TENM3: variants seen among roughly 807,000 people sequenced by gnomAD.
TENM3 encodes the protein teneurin-3.
TENM3 carries 63 observed loss-of-function variants against 255.1 expected under a neutral mutation model. The observed-to-expected ratio is 0.25, with a 90% CI of 0.20 to 0.30. TENM3 has a LOEUF of 0.30. Among genes scored for constraint, TENM3 ranks in the 10% least tolerant of loss-of-function variants. The pLI is 1.00. For missense variants in TENM3, 2,929 were observed against 3,461.1 expected (o/e 0.85, Z 3.86); for synonymous variants, 1,306 against 1,322.3 (o/e 0.99, Z 0.27).
rs758640338 is a variant in TENM3 at position 182,681,993 on chromosome 4, A to T, written c.2014A>T (p.Thr672Ser). 1.2e-5 allele frequency: 19 copies of T among 1,613,784 alleles called. No homozygotes were observed. Among genetic ancestry groups the T allele is most frequent in the Non-Finnish European group, 1.4e-5 (17 of 1,179,888 alleles). The change falls in exon 11 of 28, where the codon ACT becomes TCT. Residue 672 changes from threonine (T) to serine (S), a missense_variant. Physicochemically the swap from Thr to Ser is moderately conservative, Grantham distance 58. Coordinates refer to ENST00000511685, the MANE Select transcript of TENM3 (RefSeq NM_001080477.4). Reference sequence around the variant, plus strand: ...CTCCTGCACGTGTGACCCTAACTGGACTGGCCCAGACTGCTCAAACGGTGA... The same window carrying T: ...CTCCTGCACGTGTGACCCTAACTGGTCTGGCCCAGACTGCTCAAACGGTGA... ...SGSCTCDPNW[T>S]GPDCSNEICS... is the part of the protein sequence containing the mutation.
chr4:182,594,683 G>GGTGTGTGTGT (rs67667219), intron 3 of TENM3, among the ~76,000 whole-genome samples: 78 of 138,250 alleles, frequency 5.6e-4, no homozygotes, highest in African/African-American at 1.7e-3. Context: ...TTTTTGTTTT[G>GGTGTGTGTGT]GTGTGTGTGT....
chr4:182,754,813 T>C lies in TENM3; in HGVS notation c.4446T>C (p.Asp1482=). The C allele has an allele frequency of 3.7e-6, 6 of 1,614,054 alleles. No homozygotes were observed. The highest frequency in any genetic ancestry group is 5.1e-6 in the Non-Finnish European group (6 of 1,179,892). ...SAPSSLAASP[D]GTLYIADLGN... ...CATCCTCCCTGGCTGCTTCTCCAGATGGTACACTGTATATTGCAGATCTAG... is the reference window on the plus strand; with the variant it reads ...CATCCTCCCTGGCTGCTTCTCCAGACGGTACACTGTATATTGCAGATCTAG... The change falls in exon 22 of 28, where the codon GAT becomes GAC. Residue 1482 remains aspartate, a synonymous_variant. Transcript: ENST00000511685. The surrounding 1 kb of genome is among the most constrained non-coding windows in gnomAD (Gnocchi z 5.1).
chr4:181,919,977 T>C, the TENM3 span, among the ~76,000 whole-genome samples: 1 of 148,136 alleles, frequency 6.8e-6, no homozygotes, highest in Non-Finnish European at 1.5e-5. Context: ...AGTGAGAATA[T>C]GCAGTGTTTG....
chr4:181,798,668 A>G, the TENM3 span, among the ~76,000 whole-genome samples: 1 of 152,156 alleles, frequency 6.6e-6, no homozygotes, highest in Non-Finnish European at 1.5e-5. Flanking sequence ...CTGGTTCCCA[A>G]GTAATGTTTT....
At chr4:182,253,864 TA>T (rs202046053) in intron 1 of TENM3, among the ~76,000 whole-genome samples, 6 of 152,002 alleles carry the variant, frequency 3.9e-5, no homozygotes, top group South Asian at 4.2e-4. Flanking sequence ...GTAAATGCCT[TA>T]AAAAAAATAC....
the TENM3 span, among the ~76,000 whole-genome samples, chr4:182,013,006 C>CAAAACA: frequency 6.9e-4 from 104 of 151,818 alleles, 2 homozygotes; most frequent in Admixed American, 1.4e-3. Flanking sequence ...CAAAACAAAA[C>CAAAACA]AAAACAAAAA....
intron 5 of TENM3, among the ~76,000 whole-genome samples, chr4:182,636,701 A>T (rs1751870721): frequency 6.7e-6 from 1 of 149,820 alleles, no homozygotes; most frequent in African/African-American, 2.5e-5. Flanking sequence ...TGGGCAACAG[A>T]GTGAGACTCT....
At chr4:181,641,554 G>GTGTGTGTATATATA in the TENM3 span, among the ~76,000 whole-genome samples, 1 of 26,910 alleles carries the variant, frequency 3.7e-5, no homozygotes, top group African/African-American at 1.6e-4. Flanking sequence ...TGGTGTGTGT[G>GTGTGTGTATATATA]TATATATATA....
At chr4:182,263,395 T>TA (rs970748749) in intron 1 of TENM3, among the ~76,000 whole-genome samples, 1 of 152,006 alleles carries the variant, frequency 6.6e-6, no homozygotes, top group Non-Finnish European at 1.5e-5. Context: ...AGGCCCAACT[T>TA]AGGAGGGTTA....
chr4:182,680,325 T>C lies in TENM3; in HGVS notation c.1615T>C (p.Phe539Leu), dbSNP rs776979705. 1.2e-6 allele frequency: 2 copies of C among 1,613,608 alleles called. No individual in the cohort carries two copies. Among genetic ancestry groups the C allele is most frequent in the Non-Finnish European group, 1.7e-6 (2 of 1,179,664 alleles). ...VSGTCHCFPG[F>L]LGPDCSRAAC... Reference sequence around the variant, plus strand: ...TGGAACTTGCCATTGTTTTCCAGGATTTCTGGGTCCGGATTGTTCAAGAGG... The same window carrying C: ...TGGAACTTGCCATTGTTTTCCAGGACTTCTGGGTCCGGATTGTTCAAGAGG... The change falls in exon 9 of 28, where the codon TTT becomes CTT. Residue 539 changes from phenylalanine (F) to leucine (L), a missense_variant. Coordinates refer to ENST00000511685, the MANE Select transcript of TENM3 (RefSeq NM_001080477.4).
the TENM3 span, among the ~76,000 whole-genome samples, chr4:181,814,603 T>TGA: frequency 6.6e-6 from 1 of 152,018 alleles, no homozygotes; most frequent in African/African-American, 2.4e-5. Flanking sequence ...TGTGTGTGTG[T>TGA]GTGTGTGCAT....
intron 1 of TENM3, among the ~76,000 whole-genome samples, chr4:182,158,154 C>T (rs1015608774): frequency 1.3e-5 from 2 of 152,178 alleles, no homozygotes; most frequent in South Asian, 4.1e-4. Flanking sequence ...TGCCACGTCG[C>T]GCCTCTAGAC....
the TENM3 span, among the ~76,000 whole-genome samples, chr4:181,717,210 G>C: frequency 6.6e-6 from 1 of 152,160 alleles, no homozygotes; most frequent in East Asian, 1.9e-4. Flanking sequence ...AGAAGTATGT[G>C]AATGATCTAG....
At chr4:182,322,118 G>C (rs1017930684) in intron 1 of TENM3, among the ~76,000 whole-genome samples, 2 of 152,158 alleles carry the variant, frequency 1.3e-5, no homozygotes, top group African/African-American at 4.8e-5. Flanking sequence ...GAGAAATTCA[G>C]TTTCTCTTAA....
intron 3 of TENM3, among the ~76,000 whole-genome samples, chr4:182,375,465 G>GA (rs1326173844): frequency 1.3e-5 from 2 of 152,142 alleles, no homozygotes; most frequent in Non-Finnish European, 2.9e-5. Flanking sequence ...TTTCCTAGTG[G>GA]AAAAACAGGT....
At chr4:182,599,193 T>C (rs1251759805) in intron 3 of TENM3, among the ~76,000 whole-genome samples, 2 of 152,308 alleles carry the variant, frequency 1.3e-5, no homozygotes, top group East Asian at 1.9e-4. Flanking sequence ...CTCTAATAAA[T>C]TATATGAAAC....
chr4:181,592,248 T>G, the TENM3 span, among the ~76,000 whole-genome samples: 4 of 42,486 alleles, frequency 9.4e-5, no homozygotes, highest in Non-Finnish European at 2.5e-4. Context: ...TAAAGCTGTT[T>G]AAACACAAAC....
the TENM3 span, among the ~76,000 whole-genome samples, chr4:181,611,294 C>A: frequency 6.6e-6 from 1 of 152,176 alleles, no homozygotes; most frequent in Admixed American, 6.5e-5. Flanking sequence ...ATCCTCTGGG[C>A]GTGCCGCAGA....
chr4:182,780,092 G>T (rs1294086145), intron 24 of TENM3, among the ~76,000 whole-genome samples: 1 of 151,946 alleles, frequency 6.6e-6, no homozygotes, highest in Non-Finnish European at 1.5e-5. Flanking sequence ...GGCTTTTGTT[G>T]CCATTGCTTT....
Sources: gnomAD v4.1 joint callset for allele counts (sites outside exome capture counted in the v4.1 genomes callset) on GRCh38, gnomAD v4.1.1 for gene constraint, Gnocchi (gnomAD v3.1) non-coding constraint, MANE v1.5 for transcripts, NCBI Gene and HGNC (gene_info 2026-07-23, HGNC 2026-07-21) for gene names.